Variants in TBXAS1 observed in about 807,000 individuals in gnomAD.
TBXAS1 encodes thromboxane A synthase 1.
In TBXAS1, 48 loss-of-function variants were observed where a neutral mutation model predicts 60.7. The observed-to-expected ratio is 0.79, with a 90% CI of 0.63 to 1.01. The LOEUF (loss-of-function observed/expected upper bound fraction) is 1.01. Ranked by LOEUF, TBXAS1 falls within the 50% of genes least tolerant of loss-of-function variation. TBXAS1 has a pLI of 0.00. For synonymous variants in TBXAS1, 287 were observed against 269.7 expected, an observed-to-expected ratio of 1.06 and a Z score of -0.63; for missense variants, 685 against 686.3, an observed-to-expected ratio of 1.00 and a Z score of 0.02.
At chr7:139,778,368 GCGAGGGTT>G (rs1172716857), upstream of TBXAS1, 2 of 153,330 alleles carry the variant, frequency 1.3e-5, no homozygotes, top group East Asian at 3.9e-4. The surrounding 1 kb of genome is among the most constrained non-coding windows in gnomAD (Gnocchi z 4.8). Context: ...GTGCCCAGGT[GCGAGGGTT>G]CGCGCGTGTG....
intron 3 of TBXAS1, among the ~76,000 whole-genome samples, chr7:139,891,956 T>C (rs1419589918): frequency 1.3e-5 from 2 of 152,206 alleles, no homozygotes; most frequent in Non-Finnish European, 2.9e-5. Flanking sequence ...GTGGCTTTTA[T>C]GCTCTATCAA....
chr7:139,945,590 T>C lies in TBXAS1; in HGVS notation c.451-7778T>C, dbSNP rs573232134. On this transcript the variant is annotated intron_variant, in intron 5 of 12. Coordinates refer to ENST00000448866, the MANE Select transcript of TBXAS1 (RefSeq NM_001061.7). ...GGGTGTGCTATGCTCATTCTTGATA[T>C]AACAAATACCAAAAACTTCATTAAT... Among the ~76,000 whole-genome samples the C allele has an allele frequency of 3.3e-5, 5 of 152,348 alleles. No individual in the cohort carries two copies. In the East Asian group the frequency reaches 9.6e-4, roughly 29 times the overall value.
intron 9 of TBXAS1, among the ~76,000 whole-genome samples, chr7:139,979,015 A>T (rs1170189484): frequency 2.0e-5 from 3 of 152,232 alleles, no homozygotes; most frequent in African/African-American, 7.2e-5. Flanking sequence ...ACTTCAAGGT[A>T]GAGGCAGAAA....
At chr7:139,973,034 G>A (rs1463737031) in intron 9 of TBXAS1, among the ~76,000 whole-genome samples, 2 of 151,942 alleles carry the variant, frequency 1.3e-5, no homozygotes, top group African/African-American at 4.8e-5. Flanking sequence ...AAGGCACTGC[G>A]TGGGGAGATG....
At chr7:139,846,897 G>A (rs1183401921) in intron 1 of TBXAS1, among the ~76,000 whole-genome samples, 1 of 152,194 alleles carries the variant, frequency 6.6e-6, no homozygotes, top group African/African-American at 2.4e-5. Flanking sequence ...TGGGAGGGCA[G>A]ATGAAAAGAA....
intron 4 of TBXAS1, chr7:139,789,721 C>T (rs1797317496): frequency 1.3e-5 from 2 of 151,608 alleles, no homozygotes; most frequent in Non-Finnish European, 2.9e-5. Context: ...ACTTCTGCCT[C>T]CTGGATTCAA....
At chr7:139,897,686 G>C (rs1334082959) in intron 3 of TBXAS1, among the ~76,000 whole-genome samples, 1 of 152,194 alleles carries the variant, frequency 6.6e-6, no homozygotes, top group Non-Finnish European at 1.5e-5. Flanking sequence ...CTCCTGAAAG[G>C]GGAGGGGCTG....
At chr7:139,856,838 G>A (rs1392972468) in intron 1 of TBXAS1, among the ~76,000 whole-genome samples, 1 of 152,134 alleles carries the variant, frequency 6.6e-6, no homozygotes, top group African/African-American at 2.4e-5. Flanking sequence ...AAAAGAAAGG[G>A]GCAGCATCAG....
At chr7:139,931,170 C>T (rs1807299437) in intron 4 of TBXAS1, among the ~76,000 whole-genome samples, 1 of 152,158 alleles carries the variant, frequency 6.6e-6, no homozygotes. Flanking sequence ...ACGTTAAATG[C>T]TCCTCTGTGT....
chr7:140,006,608 T>C (rs1020409999), intron 9 of TBXAS1, among the ~76,000 whole-genome samples: 3 of 152,232 alleles, frequency 2.0e-5, no homozygotes, highest in Non-Finnish European at 2.9e-5. Context: ...TAGTCCTTTA[T>C]AGATGTGGCA....
At chr7:139,877,654 C>T (rs1456551620) in intron 3 of TBXAS1, among the ~76,000 whole-genome samples, 5 of 151,812 alleles carry the variant, frequency 3.3e-5, no homozygotes, top group Non-Finnish European at 7.4e-5. Context: ...AACTCCTGAC[C>T]TCAAGTGATC....
At chr7:139,859,629 C>A (rs558437909) in intron 1 of TBXAS1, among the ~76,000 whole-genome samples, 1 of 152,110 alleles carries the variant, frequency 6.6e-6, no homozygotes, top group Non-Finnish European at 1.5e-5. Flanking sequence ...AGTAAATGTA[C>A]AGGCAACTTG....
rs566994430 is a variant in TBXAS1, at chr7:139,912,018, T to C, written c.333+697T>C. ...GGCCAAGGAGGGTGGATTGCTTGAG[T>C]TCAGGAGTTCGAGACCAGCCTGGCC... On this transcript the variant is annotated intron_variant, in intron 4 of 12. Transcript: ENST00000448866. Among the ~76,000 whole-genome samples, 380 of 152,158 alleles carry C rather than the reference T, an allele frequency of 2.5e-3. 1 individual carries two copies. Among genetic ancestry groups the C allele is most frequent in the Admixed American group, 5.0e-3 (77 of 15,292 alleles).
At chr7:139,809,385 G>A (rs897820840) in intron 4 of TBXAS1, among the ~76,000 whole-genome samples, 1 of 150,772 alleles carries the variant, frequency 6.6e-6, no homozygotes, top group Non-Finnish European at 1.5e-5. Context: ...GAACCAACAG[G>A]AGATAGATAC....
At chr7:139,837,824 A>AAAAAC (rs1415587109) in intron 1 of TBXAS1, among the ~76,000 whole-genome samples, 1 of 152,086 alleles carries the variant, frequency 6.6e-6, no homozygotes, top group African/African-American at 2.4e-5. Flanking sequence ...ATAAAAAAAC[A>AAAAAC]AAAACAAAAC....
At chr7:139,964,274 G>A (rs761553674) in intron 9 of TBXAS1, among the ~76,000 whole-genome samples, 1 of 152,072 alleles carries the variant, frequency 6.6e-6, no homozygotes, top group African/African-American at 2.4e-5. Context: ...TAGTAGATAC[G>A]GGGTTTCACC....
intron 4 of TBXAS1, among the ~76,000 whole-genome samples, chr7:139,818,289 G>T (rs748262919): frequency 6.6e-6 from 1 of 152,172 alleles, no homozygotes; most frequent in Non-Finnish European, 1.5e-5. Context: ...AGGGCCTGTT[G>T]TAACTCAGGT....
intron 1 of TBXAS1, among the ~76,000 whole-genome samples, chr7:139,860,762 T>G (rs1021748064): frequency 6.6e-6 from 1 of 152,258 alleles, no homozygotes; most frequent in Non-Finnish European, 1.5e-5. Flanking sequence ...TTTGGACTTC[T>G]GGCCTCCAGA....
intron 9 of TBXAS1, among the ~76,000 whole-genome samples, chr7:139,991,576 G>C (rs377681520): frequency 7.2e-5 from 11 of 152,212 alleles, no homozygotes; most frequent in East Asian, 3.9e-4. Flanking sequence ...TTGCAGAACA[G>C]ATGAAATTCT....
Sources: allele counts gnomAD v4.1 joint callset (sites outside exome capture counted in the v4.1 genomes callset), GRCh38; gene constraint gnomAD v4.1.1; non-coding constraint Gnocchi (gnomAD v3.1); transcripts MANE v1.5; gene names NCBI Gene and HGNC (gene_info 2026-07-23, HGNC 2026-07-21).